The following SLC7A11 variants were observed in gnomAD, a reference collection of about 807,000 sequenced individuals.
SLC7A11 encodes the protein solute carrier family 7 member 11, also known as cystine/glutamate transporter.
Under a neutral mutation model 54.5 loss-of-function variants are expected in SLC7A11, and 35 were observed. The ratio of observed to expected loss-of-function variants is 0.64; its 90% CI spans 0.49 to 0.85. The LOEUF (loss-of-function observed/expected upper bound fraction) is 0.85, where lower values mean the gene tolerates loss of function less well. Among genes scored for constraint, SLC7A11 ranks in the 40% least tolerant of loss-of-function variants. The pLI is 0.00. For missense variants in SLC7A11, 583 were observed against 618.1 expected (o/e 0.94, Z 0.60); for synonymous variants, 230 against 225.2 (o/e 1.02, Z -0.19).
chr4:138,214,487 T>C, intron 6 of SLC7A11, 98 bp downstream of exon 6: 1 of 595,804 alleles, frequency 1.7e-6, no homozygotes, highest in South Asian at 2.3e-5. Flanking sequence ...TAAGGTTGAC[T>C]AGCCCACACT....
chr4:138,183,544 T>C (rs1736799303), intron 7 of SLC7A11, among the ~76,000 whole-genome samples: 2 of 152,154 alleles, frequency 1.3e-5, no homozygotes, highest in African/African-American at 4.8e-5. Flanking sequence ...TTCTCTCTAC[T>C]TTCAAAAAGC....
intron 6 of SLC7A11, among the ~76,000 whole-genome samples, chr4:138,187,686 T>C (rs555669310): frequency 6.6e-6 from 1 of 152,322 alleles, no homozygotes; most frequent in East Asian, 1.9e-4. Flanking sequence ...TACAGTTTTA[T>C]CTATCATAAA....
intron 4 of SLC7A11, among the ~76,000 whole-genome samples, chr4:138,219,941 C>CTTT (rs5862370): frequency 0.015 from 2,186 of 143,504 alleles, 66 homozygotes; most frequent in African/African-American, 0.053. Context: ...GCAAGCCTTT[C>CTTT]TTTTTTTATT....
At chr4:138,180,150 A>G (rs1413293243) in intron 10 of SLC7A11, among the ~76,000 whole-genome samples, 1 of 152,106 alleles carries the variant, frequency 6.6e-6, no homozygotes, top group Non-Finnish European at 1.5e-5. Context: ...TTACATTTCT[A>G]TTCTTTTTGG....
At chr4:138,227,869 G>T (rs927151875) in intron 3 of SLC7A11, among the ~76,000 whole-genome samples, 1 of 152,152 alleles carries the variant, frequency 6.6e-6, no homozygotes, top group Non-Finnish European at 1.5e-5. Context: ...TTGTTCTGCA[G>T]TACTTGTATA....
At chr4:138,235,391 A>G (rs1036025540) in intron 2 of SLC7A11, among the ~76,000 whole-genome samples, 3 of 145,262 alleles carry the variant, frequency 2.1e-5, no homozygotes, top group African/African-American at 7.3e-5. Context: ...TACTACTTTG[A>G]AGATCTTTTT....
intron 8 of SLC7A11, 28 bp from the exon 9 acceptor site, chr4:138,182,421 T>A (rs760444680): frequency 6.0e-6 from 8 of 1,339,904 alleles, no homozygotes; most frequent in Non-Finnish European, 8.6e-6. Flanking sequence ...TGGGTGGAGT[T>A]GACTGTATGA....
chr4:138,183,583 C>G (rs1736800172), intron 7 of SLC7A11, among the ~76,000 whole-genome samples: 1 of 152,112 alleles, frequency 6.6e-6, no homozygotes, highest in South Asian at 2.1e-4. Flanking sequence ...TCTTTATCAA[C>G]TATGATGTGT....
Position 138,232,417 on chromosome 4 carries a change from G to C in SLC7A11, c.405-35C>G, listed in dbSNP as rs775157344. The stretch of plus-strand genomic sequence containing the variant: ...AATGTATATATTTAGGTTAACCACA[G>C]GGGAAAAAACTGCATTTTCATTAAT... On this transcript the variant is annotated intron_variant, in intron 2 of 11. Coordinates refer to ENST00000280612, the MANE Select transcript of SLC7A11 (RefSeq NM_014331.4). 1.0e-5 allele frequency: 13 copies of C among 1,252,108 alleles called. No individual in the cohort carries two copies. In the South Asian group the frequency reaches 1.6e-4, roughly 16 times the overall value. The allele number at this position is 1,252,108 out of a possible 1,614,324, so 77.6% of individuals were successfully genotyped here. A position where few individuals can be genotyped will look rare whatever the true frequency, so the allele number is the denominator to read the frequency against.
At chr4:138,213,788 T>C (rs917032468) in intron 6 of SLC7A11, among the ~76,000 whole-genome samples, 6 of 152,154 alleles carry the variant, frequency 3.9e-5, no homozygotes, top group Non-Finnish European at 7.4e-5. Flanking sequence ...ACAAGTCTTA[T>C]GCATCATGAA....
intron 5 of SLC7A11, 23 bp from the exon 6 acceptor site, chr4:138,214,652 T>C (rs974443508): frequency 4.4e-6 from 4 of 917,094 alleles, no homozygotes; most frequent in South Asian, 3.9e-5. Context: ...AAATAAATTA[T>C]AAACTATTAA....
intron 7 of SLC7A11, 47 bp from the exon 8 acceptor site, chr4:138,183,352 G>A (rs1736794862): frequency 2.3e-6 from 3 of 1,290,830 alleles, no homozygotes; most frequent in East Asian, 2.5e-5. Context: ...CCAGAAAGTG[G>A]AATAAAATGA....
intron 4 of SLC7A11, 79 bp downstream of exon 4, chr4:138,223,120 T>C: frequency 7.8e-7 from 1 of 1,287,958 alleles, no homozygotes; most frequent in Non-Finnish European, 1.1e-6. Flanking sequence ...AGGATTCTGT[T>C]AGTACAAGCA....
Position 138,183,280 on chromosome 4 carries a change from T to C in SLC7A11, c.941A>G (p.Asn314Ser), listed in dbSNP as rs761871182. The C allele has an allele frequency of 1.9e-6, 3 of 1,611,254 alleles. No homozygotes were observed. ...AAAGATCGGAACTGCTAATGAGAAA[T>C]TTCCCAGTAGCCGCTCAGAAAAGGT... Reference protein sequence around the residue: ...AVTFSERLLGNFSLAVPIFVA... With the variant: ...AVTFSERLLGSFSLAVPIFVA... The change falls in exon 8 of 12, where the codon AAT becomes AGT. Residue 314 changes from asparagine (N) to serine (S), a missense_variant. Physicochemically the swap from Asn to Ser is conservative, Grantham distance 46. Coordinates refer to ENST00000280612, the MANE Select transcript of SLC7A11 (RefSeq NM_014331.4).
intron 5 of SLC7A11, among the ~76,000 whole-genome samples, chr4:138,214,933 C>T (rs995446793): frequency 3.9e-5 from 6 of 152,102 alleles, no homozygotes; most frequent in Admixed American, 2.0e-4. Flanking sequence ...GGAGCAAGCA[C>T]GTGGGAGCCA....
In SLC7A11 at chr4:138,223,233, T is replaced by A. The variant is rs771469052; in HGVS notation, c.612A>T (p.Ile204=). The A allele has an allele frequency of 9.9e-6, 16 of 1,613,536 alleles. No homozygotes were observed. The highest frequency in any genetic ancestry group is 1.2e-5 in the Non-Finnish European group (14 of 1,179,592). The change falls in exon 4 of 12, where the codon ATA becomes ATT. Residue 204 remains isoleucine (I), a synonymous_variant. Transcript: ENST00000280612. Reference sequence around the variant, plus strand: ...GCTGCATAACTCCAGGGACTATAATTATCAGAATTGCTGTGAGCTTGCAAA... The same window carrying A: ...GCTGCATAACTCCAGGGACTATAATAATCAGAATTGCTGTGAGCTTGCAAA... ...LTFCKLTAIL[I]IIVPGVMQLI...
At chr4:138,194,139 T>G (rs942372293) in intron 6 of SLC7A11, among the ~76,000 whole-genome samples, 4 of 152,030 alleles carry the variant, frequency 2.6e-5, no homozygotes, top group Non-Finnish European at 4.4e-5. Context: ...GTTGATGGGC[T>G]AAGCACCCTG....
In SLC7A11 at chr4:138,171,228, A is replaced by T. The variant is rs906511365; in HGVS notation, c.*728T>A. ...CCTGATCAAACTGATGTGAAAAAAA[A>T]AAATGACAGATAACTAAAACTTCCT... On this transcript the variant is annotated 3_prime_UTR_variant, in exon 12 of 12. Coordinates refer to ENST00000280612, the MANE Select transcript of SLC7A11 (RefSeq NM_014331.4). 1.3e-5 allele frequency: 2 copies of T among 152,212 alleles called. No individual in the cohort carries two copies. Among genetic ancestry groups the T allele is most frequent in the Admixed American group, 6.5e-5 (1 of 15,276 alleles). 9.4% of individuals were successfully genotyped at this position (152,212 alleles called of 1,614,324 possible). A position where few individuals can be genotyped will look rare whatever the true frequency, so the allele number is the denominator to read the frequency against.
intron 6 of SLC7A11, among the ~76,000 whole-genome samples, chr4:138,194,383 T>C (rs1578643351): frequency 6.6e-6 from 1 of 152,260 alleles, no homozygotes; most frequent in Non-Finnish European, 1.5e-5. Flanking sequence ...TTTTGAAAAA[T>C]AAGCTTTTGT....
Sources: gnomAD v4.1 joint callset for allele counts (sites outside exome capture counted in the v4.1 genomes callset) on GRCh38, gnomAD v4.1.1 for gene constraint, MANE v1.5 for transcripts, NCBI Gene and HGNC (gene_info 2026-07-23, HGNC 2026-07-21) for gene names.